Variants in ROR2 observed in about 807,000 individuals in gnomAD.
ROR2 encodes the protein tyrosine-protein kinase transmembrane receptor ROR2.
Under a neutral mutation model 74.9 loss-of-function variants are expected in ROR2, and 33 were observed. That is an observed-to-expected ratio of 0.44 (90% confidence interval 0.33 to 0.59). The LOEUF is 0.59. Ranked by LOEUF, ROR2 falls within the 20% of genes least tolerant of loss-of-function variation. The pLI is 0.02. For synonymous variants in ROR2, 586 were observed against 558.7 expected (o/e 1.05, Z -0.69); for missense variants, 1,216 against 1,313.8 (o/e 0.93, Z 1.15).
At chr9:91,796,749 T>C (rs12343786) in intron 1 of ROR2, among the ~76,000 whole-genome samples, 12,019 of 145,662 alleles carry the variant, frequency 0.083, 1,287 homozygotes, top group African/African-American at 0.25. Flanking sequence ...TGGGCGGGGC[T>C]GACACCCTGC....
At chr9:91,884,925 G>A (rs1297274846) in intron 1 of ROR2, among the ~76,000 whole-genome samples, 1 of 152,170 alleles carries the variant, frequency 6.6e-6, no homozygotes, top group African/African-American at 2.4e-5. Flanking sequence ...TGATCAGTTG[G>A]TTGGGGAGAC....
intron 1 of ROR2, among the ~76,000 whole-genome samples, chr9:91,853,261 G>A (rs554900338): frequency 5.9e-5 from 9 of 152,314 alleles, no homozygotes; most frequent in Middle Eastern, 3.4e-3. Flanking sequence ...GCCAGAGGGC[G>A]GGCGAGTTTA....
At chr9:91,745,105 T>C (rs899622558) in intron 4 of ROR2, among the ~76,000 whole-genome samples, 11 of 151,678 alleles carry the variant, frequency 7.3e-5, no homozygotes, top group Middle Eastern at 3.5e-3. Context: ...TATGGTCTCA[T>C]TTATTATTTA....
intron 1 of ROR2, among the ~76,000 whole-genome samples, chr9:91,888,867 C>A (rs1026698324): frequency 6.6e-6 from 1 of 152,144 alleles, no homozygotes; most frequent in African/African-American, 2.4e-5. Context: ...CCAAAGCCCA[C>A]TCTAGTGTGA....
chr9:91,839,996 C>T (rs895642275), intron 1 of ROR2, among the ~76,000 whole-genome samples: 3 of 152,128 alleles, frequency 2.0e-5, no homozygotes, highest in African/African-American at 4.8e-5. Flanking sequence ...TTGCCCACAG[C>T]GCTGTATCAC....
chr9:91,864,681 C>A (rs975150377), intron 1 of ROR2, among the ~76,000 whole-genome samples: 36 of 152,210 alleles, frequency 2.4e-4, no homozygotes, highest in African/African-American at 8.4e-4. Flanking sequence ...CTGCTTCCCA[C>A]GTCCATGCTG....
At chr9:91,746,536 G>A (rs777871954) in intron 4 of ROR2, among the ~76,000 whole-genome samples, 4 of 152,202 alleles carry the variant, frequency 2.6e-5, no homozygotes, top group Non-Finnish European at 2.9e-5. Flanking sequence ...GCAGCTGGCC[G>A]AATTCCGTGT....
intron 1 of ROR2, among the ~76,000 whole-genome samples, chr9:91,828,083 T>C (rs1828347334): frequency 6.6e-6 from 1 of 152,268 alleles, no homozygotes; most frequent in Non-Finnish European, 1.5e-5. Flanking sequence ...ACTGGGGTTA[T>C]TTTAAATGTT....
chr9:91,744,261 G>A (rs999558639), intron 4 of ROR2, among the ~76,000 whole-genome samples: 5 of 111,612 alleles, frequency 4.5e-5, no homozygotes, highest in South Asian at 3.1e-4. Flanking sequence ...TTGCTCTGTC[G>A]CTCGCCCAGG....
intron 1 of ROR2, among the ~76,000 whole-genome samples, chr9:91,820,095 A>G (rs1260656805): frequency 2.0e-5 from 3 of 152,208 alleles, no homozygotes; most frequent in African/African-American, 7.2e-5. Context: ...TCAACACTAC[A>G]GCTATCTTTG....
chr9:91,791,250 C>T (rs79116697), intron 1 of ROR2, among the ~76,000 whole-genome samples: 1,612 of 152,272 alleles, frequency 0.011, 30 homozygotes, highest in East Asian at 0.065. Context: ...TATTTAGATA[C>T]ACGAATACCA....
At chr9:91,949,458 G>A (rs1587870475) in intron 1 of ROR2, among the ~76,000 whole-genome samples, 1 of 152,136 alleles carries the variant, frequency 6.6e-6, no homozygotes, top group East Asian at 2.0e-4. Flanking sequence ...TCGGGGCCGT[G>A]TGCCCTTGAA....
intron 6 of ROR2, among the ~76,000 whole-genome samples, chr9:91,732,482 C>A (rs1837280952): frequency 6.6e-6 from 1 of 152,180 alleles, no homozygotes; most frequent in South Asian, 2.1e-4. Context: ...ACGCTCATCC[C>A]TTAGGCCCCA....
At chr9:91,806,006 G>A (rs1167120257) in intron 1 of ROR2, among the ~76,000 whole-genome samples, 2 of 152,192 alleles carry the variant, frequency 1.3e-5, no homozygotes, top group Non-Finnish European at 2.9e-5. Flanking sequence ...CAACAAGCCT[G>A]ATTTTAATTT....
chr9:91,813,368 T>C (rs1399356797), intron 1 of ROR2, among the ~76,000 whole-genome samples: 2 of 152,208 alleles, frequency 1.3e-5, no homozygotes, highest in Non-Finnish European at 2.9e-5. Context: ...TTTATACTCT[T>C]GGTAATGGAG....
chr9:91,876,857 A>G (rs1489392972), intron 1 of ROR2, among the ~76,000 whole-genome samples: 2 of 152,186 alleles, frequency 1.3e-5, no homozygotes, highest in Non-Finnish European at 2.9e-5. Context: ...AACAGAAAAA[A>G]AGTGGGAGAG....
Position 91,949,804 on chromosome 9 carries a change from G to A in ROR2, c.97+63C>T, listed in dbSNP as rs998329114. ...AGCGGCCGGGAGCATAGTGGCGGCGGAAGGGCTGGCCAAGCGAGCCGTGAG... is the reference window on the plus strand; with the variant it reads ...AGCGGCCGGGAGCATAGTGGCGGCGAAAGGGCTGGCCAAGCGAGCCGTGAG... On this transcript the variant is annotated intron_variant, in intron 1 of 8. Coordinates refer to ENST00000375708, the MANE Select transcript of ROR2 (RefSeq NM_004560.4). 7.5e-6 allele frequency: 8 copies of A among 1,067,960 alleles called. No individual in the cohort carries two copies. In the Admixed American group the frequency reaches 1.0e-4, roughly 13 times the overall value. 66.2% of individuals were successfully genotyped at this position (1,067,960 alleles called of 1,614,324 possible).
chr9:91,829,754 G>A (rs1020213822), intron 1 of ROR2, among the ~76,000 whole-genome samples: 1 of 152,070 alleles, frequency 6.6e-6, no homozygotes, highest in South Asian at 2.1e-4. Flanking sequence ...AGATCCATAC[G>A]AATCTTCATT....
At chr9:91,811,825 T>A (rs975052038) in intron 1 of ROR2, among the ~76,000 whole-genome samples, 1 of 152,230 alleles carries the variant, frequency 6.6e-6, no homozygotes, top group Non-Finnish European at 1.5e-5. Context: ...CATTTCCGTA[T>A]CTGTGTGTCT....
Sources: allele counts gnomAD v4.1 joint callset (sites outside exome capture counted in the v4.1 genomes callset), GRCh38; gene constraint gnomAD v4.1.1; transcripts MANE v1.5; gene names NCBI Gene and HGNC (gene_info 2026-07-23, HGNC 2026-07-21).